Variants in TBC1D19 observed in about 807,000 individuals in gnomAD.
TBC1D19 encodes the protein TBC1 domain family, member 19.
Under a neutral mutation model 89.0 loss-of-function variants are expected in TBC1D19, and 60 were observed. The ratio of observed to expected loss-of-function variants is 0.67; its 90% CI spans 0.55 to 0.84. The LOEUF (loss-of-function observed/expected upper bound fraction) is 0.84, where lower values mean the gene tolerates loss of function less well. Ranked by LOEUF, TBC1D19 falls within the 40% of genes least tolerant of loss-of-function variation. The pLI, the probability that TBC1D19 is intolerant of heterozygous loss-of-function variation, is 0.00. For missense variants in TBC1D19, 500 were observed against 610.8 expected, an observed-to-expected ratio of 0.82 and a Z score of 1.91; for synonymous variants, 189 against 199.7, an observed-to-expected ratio of 0.95 and a Z score of 0.45.
At chr4:26,698,584 G>T (rs1174991682) in intron 13 of TBC1D19, among the ~76,000 whole-genome samples, 2 of 152,098 alleles carry the variant, frequency 1.3e-5, no homozygotes, top group East Asian at 1.9e-4. Context: ...AACAAAGCTG[G>T]AGGCATCACA....
intron 13 of TBC1D19, among the ~76,000 whole-genome samples, chr4:26,699,718 A>G (rs995304329): frequency 2.0e-5 from 3 of 152,202 alleles, no homozygotes; most frequent in South Asian, 2.1e-4. Flanking sequence ...TTGTAGAGAC[A>G]TGAATGAAGC....
chr4:26,799,813 A>C, the TBC1D19 span, among the ~76,000 whole-genome samples: 5 of 152,124 alleles, frequency 3.3e-5, no homozygotes, highest in East Asian at 9.6e-4. Context: ...CCCACTCTAA[A>C]ATGTTTTATT....
In TBC1D19 at chr4:26,672,246, G is replaced by A. The variant is rs184933312; in HGVS notation, c.703+59G>A. ...AAAAGTGAGACAGTCCCAGCTAAAT[G>A]TCTGCCTCAGATAACCTCCAGGTGA... On this transcript the variant is annotated intron_variant, in intron 10 of 20. Transcript: ENST00000264866. 144 of 1,243,776 alleles carry A rather than the reference G, an allele frequency of 1.2e-4. No individual in the cohort carries two copies. In the African/African-American group the frequency reaches 2.1e-3, roughly 18 times the overall value. The allele number at this position is 1,243,776 out of a possible 1,614,324, so 77.0% of individuals were successfully genotyped here.
chr4:26,761,879 C>T, the TBC1D19 span, among the ~76,000 whole-genome samples: 10 of 152,108 alleles, frequency 6.6e-5, no homozygotes, highest in Non-Finnish European at 1.5e-4. Context: ...GTAATCTCAG[C>T]ACTTTGGGAG....
At position 26,651,696 on chromosome 4, in the gene TBC1D19, C is replaced by T. The variant is rs960500966; in HGVS notation, c.481-7901C>T. Among the ~76,000 whole-genome samples, 18 of 152,082 alleles carry T rather than the reference C, an allele frequency of 1.2e-4. 1 individual carries two copies. The highest frequency in any genetic ancestry group is 3.3e-4 in the Admixed American group (5 of 15,248). On this transcript the variant is annotated intron_variant, in intron 7 of 20. Transcript: ENST00000264866. Reference sequence around the variant, plus strand: ...GACTTCCTCTTTTCCTAATTGAATACCCTTTATTTCCTTCTCCTGCCTGAT... The same window carrying T: ...GACTTCCTCTTTTCCTAATTGAATATCCTTTATTTCCTTCTCCTGCCTGAT...
At chr4:26,740,783 G>C in intron 17 of TBC1D19, 3 of 985,328 alleles carry the variant, frequency 3.0e-6, no homozygotes, top group Non-Finnish European at 3.6e-6. Context: ...TTTCCCCAAA[G>C]AGGCAACTGT....
At chr4:26,781,300 A>AG in the TBC1D19 span, among the ~76,000 whole-genome samples, 34 of 152,146 alleles carry the variant, frequency 2.2e-4, no homozygotes, top group South Asian at 2.1e-4. Flanking sequence ...TCTAGAGGTA[A>AG]GGGGGGCTGG....
intron 9 of TBC1D19, among the ~76,000 whole-genome samples, chr4:26,670,499 T>G (rs940604090): frequency 2.6e-5 from 4 of 151,750 alleles, no homozygotes; most frequent in Non-Finnish European, 5.9e-5. Flanking sequence ...AGTGTTGCAA[T>G]TTTATATTTC....
intron 19 of TBC1D19, among the ~76,000 whole-genome samples, chr4:26,749,448 G>GTT (rs59744575): frequency 3.7e-5 from 4 of 107,148 alleles, no homozygotes; most frequent in South Asian, 3.3e-4. Context: ...TATTCGGGTT[G>GTT]TTTTTTTTTT....
Position 26,720,109 on chromosome 4 carries a change from C to T in TBC1D19, c.1068C>T (p.Val356=). Residue 356 remains valine, a synonymous_variant, in exon 15 of 21, where the codon GTC becomes GTT. Transcript: ENST00000264866. ...AACTAGGACTGGAAGAATATGCTGT[C>T]TTTTACCCACCAAATGGTAAGAGTA... is the stretch of plus-strand genomic sequence containing the variant. ...RGKLGLEEYA[V]FYPPNGVIPF... 6.2e-7 allele frequency: 1 copy of T among 1,604,210 alleles called. No homozygotes were observed. The highest frequency in any genetic ancestry group is 8.5e-7 in the Non-Finnish European group (1 of 1,175,096).
the TBC1D19 span, among the ~76,000 whole-genome samples, chr4:26,767,795 T>G: frequency 2.6e-5 from 4 of 152,278 alleles, no homozygotes; most frequent in African/African-American, 7.2e-5. Context: ...CCATTTACCC[T>G]TCATCTGAAA....
intron 12 of TBC1D19, among the ~76,000 whole-genome samples, chr4:26,686,327 A>G (rs1713807273): frequency 6.6e-6 from 1 of 152,160 alleles, no homozygotes; most frequent in African/African-American, 2.4e-5. Context: ...GGGAGGATGG[A>G]AAGTCATAGA....
At chr4:26,628,903 A>G (rs1742612690) in intron 4 of TBC1D19, among the ~76,000 whole-genome samples, 1 of 152,078 alleles carries the variant, frequency 6.6e-6, no homozygotes, top group Non-Finnish European at 1.5e-5. Context: ...ATGGGTAGGA[A>G]GAATCAATAT....
chr4:26,579,492 CTT>C (rs796559539), upstream of TBC1D19, among the ~76,000 whole-genome samples: 1 of 144,766 alleles, frequency 6.9e-6, no homozygotes, highest in Admixed American at 6.9e-5. Context: ...TCTTTCCTGC[CTT>C]TTTTTTTTTA....
chr4:26,822,926 A>G, the TBC1D19 span, among the ~76,000 whole-genome samples: 5 of 152,038 alleles, frequency 3.3e-5, no homozygotes, highest in Non-Finnish European at 5.9e-5. Context: ...CCTTGGGATC[A>G]CTCTACCCTT....
intron 1 of TBC1D19, among the ~76,000 whole-genome samples, chr4:26,610,448 A>G (rs1411163021): frequency 8.0e-6 from 1 of 125,016 alleles, no homozygotes; most frequent in Non-Finnish European, 1.7e-5. Flanking sequence ...TCTGTTAGAT[A>G]TTTTATTATT....
chr4:26,721,258 C>A (rs1175725808), intron 15 of TBC1D19, among the ~76,000 whole-genome samples: 3 of 151,766 alleles, frequency 2.0e-5, no homozygotes, highest in African/African-American at 7.3e-5. Context: ...CTTATGCCCA[C>A]CCCCAAAAGA....
At chr4:26,753,379 C>T (rs978245519) in intron 19 of TBC1D19, among the ~76,000 whole-genome samples, 1 of 152,096 alleles carries the variant, frequency 6.6e-6, no homozygotes, top group African/African-American at 2.4e-5. Flanking sequence ...CATGTAATCC[C>T]AGCACTTTGG....
chr4:26,762,853 C>A, the TBC1D19 span, among the ~76,000 whole-genome samples: 1 of 152,140 alleles, frequency 6.6e-6, no homozygotes, highest in Non-Finnish European at 1.5e-5. Context: ...GGAATACAGG[C>A]AGCTTCTAGA....
Sources: allele counts gnomAD v4.1 joint callset (sites outside exome capture counted in the v4.1 genomes callset), GRCh38; gene constraint gnomAD v4.1.1; transcripts MANE v1.5; gene names NCBI Gene and HGNC (gene_info 2026-07-23, HGNC 2026-07-21).